JAKMIP2: variants seen among roughly 807,000 people sequenced by gnomAD.
JAKMIP2 encodes the protein janus kinase and microtubule-interacting protein 2.
A neutral mutation model predicts 115.0 loss-of-function variants in JAKMIP2; 25 were observed. That is an observed-to-expected ratio of 0.22 (90% CI 0.16 to 0.30). JAKMIP2 has a LOEUF of 0.30. Among genes scored for constraint, JAKMIP2 ranks in the 10% least tolerant of loss-of-function variants. The probability of loss-of-function intolerance (pLI) is 1.00; values close to 1 mark genes in which losing one functional copy is unlikely to be tolerated. For synonymous variants in JAKMIP2, 334 were observed against 343.6 expected, an observed-to-expected ratio of 0.97 and a Z score of 0.31; for missense variants, 642 against 957.6, an observed-to-expected ratio of 0.67 and a Z score of 4.35.
intron 16 of JAKMIP2, among the ~76,000 whole-genome samples, chr5:147,624,172 T>C (rs1226237431): frequency 6.6e-6 from 1 of 152,176 alleles, no homozygotes; most frequent in African/African-American, 2.4e-5. Flanking sequence ...GACTACAGTC[T>C]TCCTTGTATT....
intron 1 of JAKMIP2, among the ~76,000 whole-genome samples, chr5:147,672,629 GT>G (rs905361640): frequency 3.3e-5 from 5 of 152,160 alleles, no homozygotes; most frequent in Non-Finnish European, 5.9e-5. Flanking sequence ...TCTGATAAGA[GT>G]TTTTTAAAAA....
chr5:147,627,787 A>G (rs976480809), intron 16 of JAKMIP2, among the ~76,000 whole-genome samples: 1 of 150,870 alleles, frequency 6.6e-6, no homozygotes, highest in African/African-American at 2.4e-5. Context: ...AAATTTCTCC[A>G]GTTGTCAACA....
In JAKMIP2 at chr5:147,648,479, A is replaced by G; in HGVS notation, c.838-5T>C. On this transcript the variant is annotated splice_region_variant and splice_polypyrimidine_tract_variant and intron_variant, in intron 4 of 21. Coordinates refer to ENST00000616793, the MANE Select transcript of JAKMIP2 (RefSeq NM_001270941.2). ...CTTTTGATTTCTTCGCAAATCCTAC[A>G]AAGAAAAATTAAAATGGGTATTTCT... The G allele has an allele frequency of 3.3e-6, 5 of 1,532,342 alleles. No individual in the cohort carries two copies. Among genetic ancestry groups the G allele is most frequent in the Non-Finnish European group, 4.5e-6 (5 of 1,108,104 alleles). 94.9% of individuals were successfully genotyped at this position (1,532,342 alleles called of 1,614,324 possible).
chr5:147,743,213 C>T (rs968686416), intron 1 of JAKMIP2, among the ~76,000 whole-genome samples: 1 of 152,138 alleles, frequency 6.6e-6, no homozygotes, highest in Non-Finnish European at 1.5e-5. Flanking sequence ...AGGCTTCAAG[C>T]CAAGGCTGTC....
At chr5:147,707,850 A>G (rs545714352) in intron 1 of JAKMIP2, among the ~76,000 whole-genome samples, 4 of 152,298 alleles carry the variant, frequency 2.6e-5, no homozygotes, top group South Asian at 4.1e-4. Context: ...GGGAGGAGTC[A>G]TGATTTGAAC....
rs138718182 is a variant in JAKMIP2, at chr5:147,633,657, C to T, written c.1678-879G>A. Among the ~76,000 whole-genome samples, 498 of 152,036 alleles carry T rather than the reference C, an allele frequency of 3.3e-3. 1 individual carries two copies. Among genetic ancestry groups the T allele is most frequent in the Non-Finnish European group, 4.9e-3 (333 of 67,998 alleles). On this transcript the variant is annotated intron_variant, in intron 12 of 21. Transcript: ENST00000616793. ...AGTTAGCTGTGTACAAATGCACCTT[C>T]CCCTGTAGACAGGGTTCATGTCTGA...
In JAKMIP2 at chr5:147,706,539, A is replaced by T. The variant is rs531887459; in HGVS notation, c.-148-34585T>A. Among the ~76,000 whole-genome samples the T allele has an allele frequency of 2.6e-5, 4 of 152,272 alleles. No homozygotes were observed. In the East Asian group the frequency reaches 5.8e-4, roughly 22 times the overall value. On this transcript the variant is annotated intron_variant, in intron 1 of 21. Transcript: ENST00000616793. ...CATCTGGCTTAACAGATATCTCTTT[A>T]AAAAAGAAAGCAAAAAATAACAATA...
At chr5:147,602,527 C>G (rs1439127090) in intron 20 of JAKMIP2, among the ~76,000 whole-genome samples, 1 of 152,116 alleles carries the variant, frequency 6.6e-6, no homozygotes, top group African/African-American at 2.4e-5. Context: ...CCAAGATAGA[C>G]TTCTTCTTAT....
At chr5:147,607,249 G>T (rs1001020079) in intron 20 of JAKMIP2, among the ~76,000 whole-genome samples, 1 of 152,152 alleles carries the variant, frequency 6.6e-6, no homozygotes, top group African/African-American at 2.4e-5. Context: ...CTTGTTTTGT[G>T]CCGGTTTTCA....
intron 2 of JAKMIP2, among the ~76,000 whole-genome samples, chr5:147,671,012 CTG>C (rs1759555306): frequency 6.6e-6 from 1 of 152,132 alleles, no homozygotes; most frequent in Non-Finnish European, 1.5e-5. Flanking sequence ...GTTTTAGAGA[CTG>C]TGGTCAGATG....
intron 1 of JAKMIP2, among the ~76,000 whole-genome samples, chr5:147,776,165 A>C (rs1438220550): frequency 6.6e-6 from 1 of 152,186 alleles, no homozygotes; most frequent in East Asian, 1.9e-4. Flanking sequence ...ATAGTGAAAA[A>C]AATAGCAAAA....
intron 1 of JAKMIP2, among the ~76,000 whole-genome samples, chr5:147,686,060 T>A (rs1216308650): frequency 6.6e-6 from 1 of 152,122 alleles, no homozygotes; most frequent in Non-Finnish European, 1.5e-5. Flanking sequence ...TGGCATAACA[T>A]CATGAAAAGC....
intron 1 of JAKMIP2, among the ~76,000 whole-genome samples, chr5:147,725,085 T>C (rs1005881488): frequency 6.6e-6 from 1 of 152,150 alleles, no homozygotes; most frequent in Non-Finnish European, 1.5e-5. Context: ...TGACCTCTGG[T>C]TGTCCTCATT....
At chr5:147,685,801 A>T (rs892644806) in intron 1 of JAKMIP2, among the ~76,000 whole-genome samples, 1 of 152,004 alleles carries the variant, frequency 6.6e-6, no homozygotes, top group Non-Finnish European at 1.5e-5. Flanking sequence ...AATAGCAGTA[A>T]TTTTTTTTGA....
At chr5:147,780,456 T>C (rs1442096583) in intron 1 of JAKMIP2, among the ~76,000 whole-genome samples, 2 of 152,190 alleles carry the variant, frequency 1.3e-5, no homozygotes, top group African/African-American at 2.4e-5. Flanking sequence ...ATTTTTTAAG[T>C]GTGCTATAGG....
chr5:147,751,256 GTT>G (rs59032563), intron 1 of JAKMIP2, among the ~76,000 whole-genome samples: 6 of 131,568 alleles, frequency 4.6e-5, no homozygotes, highest in Non-Finnish European at 6.4e-5. Context: ...TTTTGTTGTT[GTT>G]TTTTTTTTTT....
intron 2 of JAKMIP2, 51 bp from the exon 3 acceptor site, chr5:147,661,496 G>C (rs759022073): frequency 6.4e-7 from 1 of 1,554,444 alleles, no homozygotes; most frequent in African/African-American, 1.4e-5. Context: ...CAAAGGACGG[G>C]TGTGCTCCTA....
Position 147,623,604 on chromosome 5 carries a change from T to C in JAKMIP2, c.2064+17A>G. 6.5e-7 allele frequency: 1 copy of C among 1,545,288 alleles called. No homozygotes were observed. On this transcript the variant is annotated intron_variant, in intron 17 of 21. Coordinates refer to ENST00000616793, the MANE Select transcript of JAKMIP2 (RefSeq NM_001270941.2). The stretch of plus-strand genomic sequence containing the variant: ...TAAGTTTTTCTTAATTTTTACAATA[T>C]CTCATCTTGTACTTACCATGTCACT...
At chr5:147,684,920 A>T (rs1760496548) in intron 1 of JAKMIP2, among the ~76,000 whole-genome samples, 1 of 152,124 alleles carries the variant, frequency 6.6e-6, no homozygotes, top group African/African-American at 2.4e-5. Flanking sequence ...AAGCTAAAGG[A>T]ACTTACTCAT....
Sources: gnomAD v4.1 joint callset for allele counts (sites outside exome capture counted in the v4.1 genomes callset) on GRCh38, gnomAD v4.1.1 for gene constraint, MANE v1.5 for transcripts, NCBI Gene and HGNC (gene_info 2026-07-23, HGNC 2026-07-21) for gene names.